Variants in LDB2 observed in about 807,000 individuals in gnomAD.
The protein encoded by LDB2 is LIM domain binding 2.
Under a neutral mutation model 44.3 loss-of-function variants are expected in LDB2, and 12 were observed. The observed-to-expected ratio is 0.27, with a 90% CI of 0.17 to 0.44. The LOEUF (loss-of-function observed/expected upper bound fraction) is 0.44. LDB2 is among the 20% of genes least tolerant of loss of function. The pLI is 1.00. For missense variants in LDB2, 344 were observed against 473.5 expected, an observed-to-expected ratio of 0.73 and a Z score of 2.54; for synonymous variants, 164 against 174.8, an observed-to-expected ratio of 0.94 and a Z score of 0.49.
chr4:16,887,905 C>T (rs567424850), intron 1 of LDB2, among the ~76,000 whole-genome samples: 1 of 151,958 alleles, frequency 6.6e-6, no homozygotes, highest in East Asian at 1.9e-4. Context: ...AGTGTAGTGC[C>T]CACTTGCATC....
Position 16,502,689 on chromosome 4 carries a change from G to A in LDB2, c.1076C>T (p.Thr359Ile). ...NSPWNSKPPA[T>I]QETKSENPPP... Reference sequence around the variant, plus strand: ...GGGGTTTTCTGATTTGGTCTCTTGAGTGGCGGGAGGTTTACTGTTCCACGG... The same window carrying A: ...GGGGTTTTCTGATTTGGTCTCTTGAATGGCGGGAGGTTTACTGTTCCACGG... The change falls in exon 8 of 8, where the codon ACT becomes ATT. Residue 359 changes from threonine to isoleucine, a missense_variant. Physicochemically the swap from Thr to Ile is moderately conservative, Grantham distance 89. This residue lies in a region of LDB2 where 32 missense variants were observed against 32.3 expected (regional missense o/e 0.99). Transcript: ENST00000304523. 2 of 1,613,890 alleles carry A rather than the reference G, an allele frequency of 1.2e-6. No individual in the cohort carries two copies. The highest frequency in any genetic ancestry group is 1.7e-6 in the Non-Finnish European group (2 of 1,179,816).
chr4:16,763,838 A>C (rs1768555439), intron 1 of LDB2, among the ~76,000 whole-genome samples: 1 of 152,094 alleles, frequency 6.6e-6, no homozygotes, highest in Non-Finnish European at 1.5e-5. Context: ...GGATGACCTC[A>C]GTCAACACAT....
intron 5 of LDB2, among the ~76,000 whole-genome samples, chr4:16,524,669 C>A (rs1727548653): frequency 6.6e-6 from 1 of 152,140 alleles, no homozygotes; most frequent in African/African-American, 2.4e-5. Flanking sequence ...GTGTGATAAA[C>A]CCTCTGCAAA....
chr4:16,715,065 C>T (rs1382336074), intron 2 of LDB2, among the ~76,000 whole-genome samples: 3 of 152,152 alleles, frequency 2.0e-5, no homozygotes, highest in Non-Finnish European at 4.4e-5. Context: ...ATGTGACCAG[C>T]TTGTTTCTAA....
intron 2 of LDB2, among the ~76,000 whole-genome samples, chr4:16,617,640 T>C (rs1348976944): frequency 6.6e-6 from 1 of 152,152 alleles, no homozygotes; most frequent in East Asian, 1.9e-4. Flanking sequence ...AGATTCAGTG[T>C]TCCTAAGAGC....
chr4:16,777,225 C>T (rs1772122571), intron 1 of LDB2, among the ~76,000 whole-genome samples: 1 of 152,144 alleles, frequency 6.6e-6, no homozygotes, highest in Non-Finnish European at 1.5e-5. Context: ...GATCAAATTA[C>T]ACCTGGGATG....
intron 2 of LDB2, among the ~76,000 whole-genome samples, chr4:16,643,941 T>C (rs1735927984): frequency 6.6e-6 from 1 of 152,228 alleles, no homozygotes; most frequent in Admixed American, 6.5e-5. Flanking sequence ...AACCATGCTT[T>C]TTCATTGTTT....
chr4:16,748,121 C>CT (rs1764744576), intron 2 of LDB2, among the ~76,000 whole-genome samples: 1 of 152,100 alleles, frequency 6.6e-6, no homozygotes, highest in Admixed American at 6.5e-5. Context: ...ATGGGAGGGG[C>CT]TTTATCACCA....
chr4:16,625,292 T>G (rs1729978277), intron 2 of LDB2, among the ~76,000 whole-genome samples: 1 of 152,160 alleles, frequency 6.6e-6, no homozygotes, highest in South Asian at 2.1e-4. Context: ...CTGCTTGAAG[T>G]GTTTTCTCTG....
intron 2 of LDB2, among the ~76,000 whole-genome samples, chr4:16,617,320 A>G (rs1396000995): frequency 6.6e-6 from 1 of 152,142 alleles, no homozygotes; most frequent in East Asian, 1.9e-4. Context: ...AAAAAATGGT[A>G]GGAAGAAATA....
At chr4:16,658,584 T>A (rs1740580374) in intron 2 of LDB2, among the ~76,000 whole-genome samples, 1 of 152,150 alleles carries the variant, frequency 6.6e-6, no homozygotes. Context: ...GATTTTTATT[T>A]GAAAGCTCCT....
intron 2 of LDB2, among the ~76,000 whole-genome samples, chr4:16,746,871 A>C (rs553205716): frequency 6.6e-6 from 1 of 152,224 alleles, no homozygotes; most frequent in Admixed American, 6.5e-5. Context: ...GGAATGGGTC[A>C]TCTTCTCCTC....
chr4:16,872,727 T>A (rs1717074094), intron 1 of LDB2, among the ~76,000 whole-genome samples: 1 of 152,212 alleles, frequency 6.6e-6, no homozygotes, highest in South Asian at 2.1e-4. Flanking sequence ...TCAAAAATAA[T>A]ATTTGCAAAT....
intron 1 of LDB2, among the ~76,000 whole-genome samples, chr4:16,824,757 G>A (rs1032305465): frequency 6.6e-6 from 1 of 152,222 alleles, no homozygotes; most frequent in Non-Finnish European, 1.5e-5. Context: ...CAACACGGGT[G>A]TTCACCCATG....
intron 1 of LDB2, among the ~76,000 whole-genome samples, chr4:16,827,533 G>A (rs1783283693): frequency 6.6e-6 from 1 of 152,146 alleles, no homozygotes; most frequent in Non-Finnish European, 1.5e-5. Flanking sequence ...GGCTTTGCAA[G>A]GCTTTCAATT....
At chr4:16,685,222 T>A (rs1199420371) in intron 2 of LDB2, among the ~76,000 whole-genome samples, 9 of 152,246 alleles carry the variant, frequency 5.9e-5, no homozygotes, top group Non-Finnish European at 1.3e-4. Context: ...AGAGCTTGAG[T>A]CCCAGGAGAC....
intron 1 of LDB2, among the ~76,000 whole-genome samples, chr4:16,785,004 AAC>A (rs1211686580): frequency 1.6e-5 from 1 of 60,724 alleles, no homozygotes; most frequent in Non-Finnish European, 7.1e-5. Flanking sequence ...ATAATTGAAG[AAC>A]AGTTTTTTTT....
chr4:16,887,728 G>A (rs1214134305), intron 1 of LDB2, among the ~76,000 whole-genome samples: 1 of 151,992 alleles, frequency 6.6e-6, no homozygotes, highest in Non-Finnish European at 1.5e-5. Context: ...ATAATTTAAC[G>A]TTTGAGCTAC....
chr4:16,734,609 C>G (rs1761462606), intron 2 of LDB2, among the ~76,000 whole-genome samples: 1 of 152,146 alleles, frequency 6.6e-6, no homozygotes, highest in Admixed American at 6.5e-5. Flanking sequence ...TCTTCCCTTC[C>G]TCTGCCCCAG....
Sources: allele counts gnomAD v4.1 joint callset (sites outside exome capture counted in the v4.1 genomes callset), GRCh38; gene constraint gnomAD v4.1.1; regional missense constraint gnomAD v4.1.1; transcripts MANE v1.5; gene names NCBI Gene and HGNC (gene_info 2026-07-23, HGNC 2026-07-21).